The following CHD9 variants were observed in gnomAD, a reference collection of about 807,000 sequenced individuals.
CHD9 encodes the protein ATP-dependent chromatin remodeler CHD9.
CHD9 carries 77 observed loss-of-function variants against 316.1 expected under a neutral mutation model. The observed-to-expected ratio is 0.24, with a 90% CI of 0.20 to 0.29. The LOEUF (loss-of-function observed/expected upper bound fraction) is 0.29. Ranked by LOEUF, CHD9 falls within the 10% of genes least tolerant of loss-of-function variation. The pLI is 1.00. For synonymous variants in CHD9, 1,129 were observed against 1,158.3 expected, an observed-to-expected ratio of 0.97 and a Z score of 0.51; for missense variants, 2,763 against 3,438.1, an observed-to-expected ratio of 0.80 and a Z score of 4.91.
intron 31 of CHD9, 68 bp downstream of exon 31, chr16:53,304,693 C>CTTTTTTTT: frequency 1.3e-6 from 1 of 769,152 alleles, no homozygotes; most frequent in Non-Finnish European, 1.7e-6. Context: ...CTTTTCTTTT[C>CTTTTTTTT]TTTTTTTTTT....
At chr16:53,259,353 T>C (rs1225978201) in intron 19 of CHD9, among the ~76,000 whole-genome samples, 1 of 152,246 alleles carries the variant, frequency 6.6e-6, no homozygotes, top group African/African-American at 2.4e-5. Context: ...ACATTATCAA[T>C]AGTTATATGA....
chr16:53,218,350 A>G (rs1219513026), intron 3 of CHD9, among the ~76,000 whole-genome samples: 1 of 151,124 alleles, frequency 6.6e-6, no homozygotes, highest in Non-Finnish European at 1.5e-5. Flanking sequence ...AATTAGTATA[A>G]CAAAAGGCTT....
intron 12 of CHD9, among the ~76,000 whole-genome samples, chr16:53,239,527 C>CA (rs1315198149): frequency 4.6e-5 from 7 of 151,968 alleles, no homozygotes; most frequent in South Asian, 2.1e-4. Context: ...AATAAATTCA[C>CA]AAAAAAACTG....
chr16:53,057,589 A>C (rs1055229239), intron 1 of CHD9, among the ~76,000 whole-genome samples: 3 of 151,834 alleles, frequency 2.0e-5, no homozygotes, highest in Non-Finnish European at 2.9e-5. Context: ...GGGAGGTGGA[A>C]GTTGCAGTGA....
At chr16:53,299,356 C>G (rs1045924191) in intron 30 of CHD9, 20 of 161,382 alleles carry the variant, frequency 1.2e-4, no homozygotes, top group African/African-American at 4.6e-4. Flanking sequence ...ATGGTCAACG[C>G]TGTCTTGACC....
At chr16:53,312,189 T>A (rs2153097194) in intron 34 of CHD9, among the ~76,000 whole-genome samples, 1 of 152,322 alleles carries the variant, frequency 6.6e-6, no homozygotes, top group East Asian at 1.9e-4. Context: ...ATTAAGTACT[T>A]CTATTTTTTA....
At chr16:53,211,628 G>T (rs575260286) in intron 3 of CHD9, among the ~76,000 whole-genome samples, 6 of 151,944 alleles carry the variant, frequency 3.9e-5, no homozygotes, top group Admixed American at 2.0e-4. Context: ...TTTATAAGTC[G>T]CAGGCAGATA....
intron 1 of CHD9, among the ~76,000 whole-genome samples, chr16:53,087,454 G>A (rs999805988): frequency 1.5e-4 from 23 of 152,324 alleles, no homozygotes; most frequent in Non-Finnish European, 2.8e-4. Flanking sequence ...TCATGCAGTG[G>A]ATAGGATGCA....
chr16:53,185,986 G>C (rs2043967376), intron 2 of CHD9, among the ~76,000 whole-genome samples: 1 of 152,222 alleles, frequency 6.6e-6, no homozygotes, highest in South Asian at 2.1e-4. Context: ...CCTCTGCTAG[G>C]GCAGTGTGGA....
At chr16:53,083,774 TG>T (rs889301459) in intron 1 of CHD9, among the ~76,000 whole-genome samples, 54 of 152,022 alleles carry the variant, frequency 3.6e-4, no homozygotes, top group African/African-American at 1.3e-3. Flanking sequence ...AAATAAAACC[TG>T]TCTCTCACTC....
At chr16:53,247,682 T>A in intron 16 of CHD9, 179 bp downstream of exon 16, 1 of 569,352 alleles carries the variant, frequency 1.8e-6, no homozygotes, top group Non-Finnish European at 3.1e-6. Flanking sequence ...AACCTGCATA[T>A]GTTGCAATAT....
At chr16:53,234,535 G>A (rs995237314) in intron 10 of CHD9, among the ~76,000 whole-genome samples, 1 of 146,988 alleles carries the variant, frequency 6.8e-6, no homozygotes, top group African/African-American at 2.5e-5. Flanking sequence ...TTAATTAGGA[G>A]TGGATGTTAA....
At chr16:53,101,273 CTTTTTTTTTTTTT>C (rs1012377760) in intron 1 of CHD9, among the ~76,000 whole-genome samples, 1 of 124,856 alleles carries the variant, frequency 8.0e-6, no homozygotes, top group African/African-American at 3.0e-5. Context: ...TTTTCCTTTT[CTTTTTTTTTTTTT>C]TTTTTTGAGA....
intron 1 of CHD9, among the ~76,000 whole-genome samples, chr16:53,055,660 T>A (rs2032000506): frequency 6.6e-6 from 1 of 152,170 alleles, no homozygotes; most frequent in African/African-American, 2.4e-5. Flanking sequence ...AGAATGCTGA[T>A]GATTCCCTCC....
At chr16:53,101,238 A>T (rs1189555248) in intron 1 of CHD9, among the ~76,000 whole-genome samples, 1 of 151,192 alleles carries the variant, frequency 6.6e-6, no homozygotes, top group Non-Finnish European at 1.5e-5. Flanking sequence ...ACTGGAATAA[A>T]TCTTTTTTAC....
chr16:53,260,561 A>G (rs192612304), intron 19 of CHD9, among the ~76,000 whole-genome samples: 1 of 152,256 alleles, frequency 6.6e-6, no homozygotes, highest in East Asian at 1.9e-4. Flanking sequence ...TTGTCATTGT[A>G]ACAAATTATT....
Position 53,297,089 on chromosome 16 carries a change from A to G in CHD9, c.5644A>G (p.Ser1882Gly). 1 of 1,613,924 alleles carries G rather than the reference A, an allele frequency of 6.2e-7. No homozygotes were observed. Among genetic ancestry groups the G allele is most frequent in the Non-Finnish European group, 8.5e-7 (1 of 1,179,850 alleles). Residue 1882 changes from serine (S) to glycine (G), a missense_variant, in exon 30 of 39, where the codon AGT becomes GGT. Physicochemically the swap from Ser to Gly is moderately conservative, Grantham distance 56 (BLOSUM62 0). Coordinates refer to ENST00000447540, the MANE Select transcript of CHD9 (RefSeq NM_001308319.2). ...MARLHKKTDD[S>G]LEKYLYAFMS... The stretch of plus-strand genomic sequence containing the variant: ...TAGGCTACATAAGAAAACTGATGAT[A>G]GTTTGGAAAAATATTTGTACGCATT...
chr16:53,322,186 G>A (rs1219260914), intron 38 of CHD9, among the ~76,000 whole-genome samples: 1 of 151,192 alleles, frequency 6.6e-6, no homozygotes, highest in Non-Finnish European at 1.5e-5. Context: ...TAGTAGAGAC[G>A]ATATTTCGCC....
At chr16:53,287,420 A>C (rs1291218930) in intron 26 of CHD9, among the ~76,000 whole-genome samples, 1 of 152,234 alleles carries the variant, frequency 6.6e-6, no homozygotes, top group Non-Finnish European at 1.5e-5. Flanking sequence ...TGTGGTTAAT[A>C]ATAATGCATT....
Sources: gnomAD v4.1 joint callset for allele counts (sites outside exome capture counted in the v4.1 genomes callset) on GRCh38, gnomAD v4.1.1 for gene constraint, MANE v1.5 for transcripts, NCBI Gene and HGNC (gene_info 2026-07-23, HGNC 2026-07-21) for gene names.